HTR2B: variants seen among roughly 807,000 people sequenced by gnomAD.
HTR2B encodes 5-hydroxytryptamine receptor 2B, also known as 5-HT 2B receptor.
In HTR2B, 31 loss-of-function variants were observed where a neutral mutation model predicts 39.8. The observed-to-expected ratio is 0.78, with a 90% CI of 0.58 to 1.05. The LOEUF (loss-of-function observed/expected upper bound fraction) is 1.05, where lower values mean the gene tolerates loss of function less well. HTR2B is among the 50% of genes least tolerant of loss of function. The pLI is 0.00. For missense variants in HTR2B, 562 were observed against 578.0 expected, an observed-to-expected ratio of 0.97 and a Z score of 0.28; for synonymous variants, 210 against 207.1, an observed-to-expected ratio of 1.01 and a Z score of -0.12.
At chr2:231,109,925 ACTT>A (rs1259577340) in intron 3 of HTR2B, among the ~76,000 whole-genome samples, 6 of 152,260 alleles carry the variant, frequency 3.9e-5, no homozygotes, top group African/African-American at 1.2e-4. Context: ...TTTCCATCTA[ACTT>A]CTTAGGGAAA....
chr2:231,118,307 CA>C (rs1695413884), intron 2 of HTR2B, among the ~76,000 whole-genome samples: 1 of 152,110 alleles, frequency 6.6e-6, no homozygotes, highest in African/African-American at 2.4e-5. Context: ...TACATAGAAA[CA>C]AGCCAAATCA....
At chr2:231,115,190 C>CAA (rs779451668) in intron 2 of HTR2B, among the ~76,000 whole-genome samples, 1 of 124,616 alleles carries the variant, frequency 8.0e-6, no homozygotes, top group East Asian at 2.3e-4. Context: ...AATCTCAGAC[C>CAA]AAAAAAAAAA....
Position 231,108,895 on chromosome 2 carries a change from A to G in HTR2B, c.1068T>C (p.Thr356=), listed in dbSNP as rs200710969. The G allele has an allele frequency of 2.0e-5, 33 of 1,614,174 alleles. No homozygotes were observed. In the Admixed American group the frequency reaches 4.0e-4, roughly 20 times the overall value. ...ATATCTCCAGGAGCATTTGGAGAGTAGTTTGGTTACAGGAATCACATAAAA... is the reference window on the plus strand; with the variant it reads ...ATATCTCCAGGAGCATTTGGAGAGTGGTTTGGTTACAGGAATCACATAAAA... ...TLVLCDSCNQ[T]TLQMLLEIFV... Residue 356 remains threonine, a synonymous_variant, in exon 4 of 4, where the codon ACT becomes ACC. Coordinates refer to ENST00000258400, the MANE Select transcript of HTR2B (RefSeq NM_000867.5).
At chr2:231,120,839 A>G (rs1355051012) in intron 2 of HTR2B, among the ~76,000 whole-genome samples, 1 of 152,234 alleles carries the variant, frequency 6.6e-6, no homozygotes, top group East Asian at 1.9e-4. Context: ...TAGAAGTCCT[A>G]AAGATTAACA....
At chr2:231,117,484 A>G (rs1361546558) in intron 2 of HTR2B, among the ~76,000 whole-genome samples, 1 of 152,150 alleles carries the variant, frequency 6.6e-6, no homozygotes, top group Non-Finnish European at 1.5e-5. Context: ...ATTTCTGTCA[A>G]TGCCTGAAAT....
At chr2:231,116,167 G>A (rs550230140) in intron 2 of HTR2B, among the ~76,000 whole-genome samples, 1 of 152,238 alleles carries the variant, frequency 6.6e-6, no homozygotes, top group East Asian at 1.9e-4. Context: ...TAGTGGAAAA[G>A]GACCTTGGAC....
chr2:231,115,422 C>T (rs1368284213), intron 2 of HTR2B, among the ~76,000 whole-genome samples: 2 of 151,926 alleles, frequency 1.3e-5, no homozygotes, highest in East Asian at 1.9e-4. Flanking sequence ...ATATTTCTTC[C>T]TAGGAACAAA....
At chr2:231,110,422 G>A (rs1049672416) in intron 3 of HTR2B, among the ~76,000 whole-genome samples, 4 of 152,190 alleles carry the variant, frequency 2.6e-5, no homozygotes, top group African/African-American at 9.7e-5. Flanking sequence ...TCTTAGTGAA[G>A]TAGCTTATTA....
Position 231,108,916 on chromosome 2 carries a change from T to C in HTR2B, c.1047A>G (p.Leu349=). 1 of 1,614,082 alleles carries C rather than the reference T, an allele frequency of 6.2e-7. No homozygotes were observed. The highest frequency in any genetic ancestry group is 8.5e-7 in the Non-Finnish European group (1 of 1,179,994). Residue 349 remains leucine, a synonymous_variant, in exon 4 of 4, where the codon TTA becomes TTG. Transcript: ENST00000258400. Reference sequence around the variant, plus strand: ...GAGTAGTTTGGTTACAGGAATCACATAAAACTAAAGTTATATTTGTAATAA... The same window carrying C: ...GAGTAGTTTGGTTACAGGAATCACACAAAACTAAAGTTATATTTGTAATAA... ...PFFITNITLV[L]CDSCNQTTLQ...
chr2:231,113,913 G>A lies in HTR2B; in HGVS notation c.369C>T (p.Leu123=). The A allele has an allele frequency of 6.2e-7, 1 of 1,614,030 alleles. No homozygotes were observed. Among genetic ancestry groups the A allele is most frequent in the Non-Finnish European group, 8.5e-7 (1 of 1,179,942 alleles). The change falls in exon 3 of 4, where the codon CTC becomes CTT. Residue 123 remains leucine, a synonymous_variant. Coordinates refer to ENST00000258400, the MANE Select transcript of HTR2B (RefSeq NM_000867.5). ...LTIMFEAMWP[L]PLVLCPAWLF... is the part of the protein sequence containing the mutation. ...ACCAGGCAGGACATAGAACAAGTGG[G>A]AGGGGCCACATAGCCTCTGAAAGAA...
In HTR2B at chr2:231,113,870, A is replaced by G. The variant is rs1291975033; in HGVS notation, c.412T>C (p.Phe138Leu). 1.2e-6 allele frequency: 2 copies of G among 1,614,196 alleles called. No individual in the cohort carries two copies. Among genetic ancestry groups the G allele is most frequent in the Non-Finnish European group, 1.7e-6 (2 of 1,180,016 alleles). The change falls in exon 3 of 4, where the codon TTT (phenylalanine) becomes CTT (leucine). Residue 138 changes from phenylalanine to leucine, a missense_variant. Coordinates refer to ENST00000258400, the MANE Select transcript of HTR2B (RefSeq NM_000867.5). ...CPAWLFLDVL[F>L]STASIMHLCA... ...AGATGCATGATGGATGCGGTTGAAA[A>G]GAGAACGTCAAGAAATAACCAGGCA...
chr2:231,118,623 A>G (rs1695426909), intron 2 of HTR2B, among the ~76,000 whole-genome samples: 1 of 152,092 alleles, frequency 6.6e-6, no homozygotes, highest in African/African-American at 2.4e-5. Flanking sequence ...TAGTACAAAA[A>G]CCTGAGGAGT....
At chr2:231,117,078 T>C (rs1029005227) in intron 2 of HTR2B, among the ~76,000 whole-genome samples, 7 of 152,062 alleles carry the variant, frequency 4.6e-5, no homozygotes, top group Admixed American at 1.3e-4. Context: ...CTTTTCCTAG[T>C]CTAGAGACTT....
At position 231,108,632 on chromosome 2, in the gene HTR2B, C is replaced by T. The variant is rs1695039552; in HGVS notation, c.1331G>A (p.Ser444Asn). ...RNGINPAMYQ[S>N]PMRLRSSTIQ... ...GGTTGAACTTCGGAGCCTCATTGGA[C>T]TCTGGTACATGGCAGGGTTAATCCC... Residue 444 changes from serine to asparagine, a missense_variant, in exon 4 of 4, where the codon AGT (serine) becomes AAT (asparagine). By Grantham distance (46) the Ser-to-Asn change is conservative. Coordinates refer to ENST00000258400, the MANE Select transcript of HTR2B (RefSeq NM_000867.5). The T allele has an allele frequency of 2.5e-6, 4 of 1,613,896 alleles. No individual in the cohort carries two copies. In the African/African-American group the frequency reaches 4.0e-5, roughly 16 times the overall value.
chr2:231,114,893 C>T (rs1188775246), intron 2 of HTR2B, among the ~76,000 whole-genome samples: 1 of 152,072 alleles, frequency 6.6e-6, no homozygotes, highest in African/African-American at 2.4e-5. Context: ...TAGAATTCCC[C>T]CTAGAATATT....
At chr2:231,124,611 C>G (rs1007394230) in intron 1 of HTR2B, among the ~76,000 whole-genome samples, 11 of 151,974 alleles carry the variant, frequency 7.2e-5, no homozygotes, top group Non-Finnish European at 1.6e-4. Flanking sequence ...TACTAGGATC[C>G]AAATAATTGT....
intron 2 of HTR2B, among the ~76,000 whole-genome samples, chr2:231,121,535 A>G (rs1695544427): frequency 6.6e-6 from 1 of 152,156 alleles, no homozygotes; most frequent in African/African-American, 2.4e-5. Flanking sequence ...TATGTTGGGT[A>G]CCAGCATTTT....
At chr2:231,118,935 C>A (rs1695438753) in intron 2 of HTR2B, among the ~76,000 whole-genome samples, 1 of 152,162 alleles carries the variant, frequency 6.6e-6, no homozygotes, top group Non-Finnish European at 1.5e-5. Context: ...TTCAAATATA[C>A]ATTTATCTCA....
In HTR2B at chr2:231,123,289, G is replaced by A. The variant is rs926882042; in HGVS notation, c.352+124C>T. ...TAAAACAAGGGACTGTTTACTTGCCGTATCTTTAAATAGTCCAAGTTCATC... is the reference window on the plus strand; with the variant it reads ...TAAAACAAGGGACTGTTTACTTGCCATATCTTTAAATAGTCCAAGTTCATC... On this transcript the variant is annotated intron_variant, in intron 2 of 3. Coordinates refer to ENST00000258400, the MANE Select transcript of HTR2B (RefSeq NM_000867.5). 7.7e-5 allele frequency: 59 copies of A among 769,356 alleles called. 1 individual carries two copies. The highest frequency in any genetic ancestry group is 2.0e-4 in the Admixed American group (10 of 50,108). The allele number at this position is 769,356 out of a possible 1,614,324, so 47.7% of individuals were successfully genotyped here.
Sources: gnomAD v4.1 joint callset for allele counts (sites outside exome capture counted in the v4.1 genomes callset) on GRCh38, gnomAD v4.1.1 for gene constraint, MANE v1.5 for transcripts, NCBI Gene and HGNC (gene_info 2026-07-23, HGNC 2026-07-21) for gene names.